The following PCDHA11 variants were observed in gnomAD, a reference collection of about 807,000 sequenced individuals.
PCDHA11 encodes the protein protocadherin alpha-11.
A neutral mutation model predicts 70.3 loss-of-function variants in PCDHA11; 61 were observed. The ratio of observed to expected loss-of-function variants is 0.87; its 90% CI spans 0.71 to 1.07. The LOEUF is 1.07. PCDHA11 is among the 50% of genes least tolerant of loss of function. PCDHA11 has a pLI of 0.00. For synonymous variants in PCDHA11, 633 were observed against 555.1 expected, an observed-to-expected ratio of 1.14 and a Z score of -1.97; for missense variants, 1,324 against 1,237.5, an observed-to-expected ratio of 1.07 and a Z score of -1.05.
At chr5:140,965,496 A>AT (rs71766133) in intron 1 of PCDHA11, among the ~76,000 whole-genome samples, 6,292 of 146,438 alleles carry the variant, frequency 0.043, 368 homozygotes, top group African/African-American at 0.14. Flanking sequence ...ATGACAGCAG[A>AT]TTTTTTTTTT....
rs538135807 is a variant in PCDHA11, at chr5:140,873,663, T to C, written c.2391+2169T>C. On this transcript the variant is annotated intron_variant, in intron 1 of 3. Transcript: ENST00000398640. ...GTGAGAACTACATAACACACTATTA[T>C]TATTTGTTTCTTTTTGAGATAGAGT... Among the ~76,000 whole-genome samples the C allele has an allele frequency of 3.3e-5, 5 of 152,342 alleles. No individual in the cohort carries two copies. In the South Asian group the frequency reaches 1.0e-3, roughly 32 times the overall value.
chr5:140,884,733 T>C lies in PCDHA11; in HGVS notation c.2391+13239T>C, dbSNP rs782206169. On this transcript the variant is annotated intron_variant, in intron 1 of 3. Transcript: ENST00000398640. ...TCCTTGCAGTTGTTTGTTTAAGACA[T>C]CTTTCCTGCCAATTTCAAATTATTC... 1.1e-4 allele frequency: 158 copies of C among 1,448,002 alleles called. No homozygotes were observed. The Middle Eastern group carries it at 1.8e-3, about 17-fold the overall frequency. The allele number at this position is 1,448,002 out of a possible 1,614,324, so 89.7% of individuals were successfully genotyped here. A position where few individuals can be genotyped will look rare whatever the true frequency, so the allele number is the denominator to read the frequency against.
At chr5:140,903,567 G>T (rs1554191019) in intron 1 of PCDHA11, among the ~76,000 whole-genome samples, 1 of 152,170 alleles carries the variant, frequency 6.6e-6, no homozygotes, top group African/African-American at 2.4e-5. Flanking sequence ...GTGGAATTGG[G>T]AGCTGTCTAG....
chr5:140,917,152 G>A (rs1407958115), intron 1 of PCDHA11, among the ~76,000 whole-genome samples: 1 of 152,012 alleles, frequency 6.6e-6, no homozygotes, highest in Admixed American at 6.6e-5. Context: ...GCTGCTGGGG[G>A]ATATGGGAGG....
intron 1 of PCDHA11, among the ~76,000 whole-genome samples, chr5:140,944,593 T>C (rs187929896): frequency 2.6e-5 from 4 of 152,318 alleles, no homozygotes; most frequent in African/African-American, 9.6e-5. Context: ...AGAATTTCCC[T>C]GGGTAGAGTA....
At position 140,871,132 on chromosome 5, in the gene PCDHA11, G is replaced by T; in HGVS notation, c.2029G>T (p.Ala677Ser). 7 of 1,613,372 alleles carry T rather than the reference G, an allele frequency of 4.3e-6. No homozygotes were observed. Among genetic ancestry groups the T allele is most frequent in the Non-Finnish European group, 5.9e-6 (7 of 1,179,914 alleles). ...GGTGGAGAGCGGACAGGCGCCAAAG[G>T]CCTCTTCCCGGACTTTGGCGGGCGC... is the stretch of plus-strand genomic sequence containing the variant. ...SLVESGQAPKASSRTLAGAAS... is the reference protein window; with the variant it reads ...SLVESGQAPKSSSRTLAGAAS... Residue 677 changes from alanine to serine, a missense_variant, in exon 1 of 4, where the codon GCC (alanine) becomes TCC (serine). Physicochemically the swap from Ala to Ser is moderately conservative, Grantham distance 99 (BLOSUM62 1). Coordinates refer to ENST00000398640, the MANE Select transcript of PCDHA11 (RefSeq NM_018902.5).
rs1038789772 is a variant in PCDHA11, at chr5:140,894,031, G to C, written c.2391+22537G>C. On this transcript the variant is annotated intron_variant, in intron 1 of 3. Transcript: ENST00000398640. ...TTCAAATTACCAGTTCTGCATACTG[G>C]TAATGTAAGTCCTCTGTTGAATTGA... Among the ~76,000 whole-genome samples, 3 of 152,204 alleles carry C rather than the reference G, an allele frequency of 2.0e-5. No homozygotes were observed. In the South Asian group the frequency reaches 6.2e-4, roughly 32 times the overall value.
chr5:140,896,762 T>C (rs1408695272), intron 1 of PCDHA11, among the ~76,000 whole-genome samples: 1 of 152,224 alleles, frequency 6.6e-6, no homozygotes, highest in Non-Finnish European at 1.5e-5. Context: ...TAGACCTTTG[T>C]TGGATGCATA....
rs2051623081 is a variant in PCDHA11 at position 140,870,060 on chromosome 5, A to G, written c.957A>G (p.Val319=). The change falls in exon 1 of 4, where the codon GTA becomes GTG. Residue 319 remains valine, a synonymous_variant. Transcript: ENST00000398640. The part of the protein sequence containing the change: ...YEENKFYKIE[V]QATDKGTPPM... Reference sequence around the variant, plus strand: ...AAAACAAGTTTTATAAAATTGAAGTACAGGCTACAGATAAGGGGACTCCCC... The same window carrying G: ...AAAACAAGTTTTATAAAATTGAAGTGCAGGCTACAGATAAGGGGACTCCCC... The G allele has an allele frequency of 6.2e-7, 1 of 1,613,776 alleles. No individual in the cohort carries two copies. Among genetic ancestry groups the G allele is most frequent in the African/African-American group, 1.3e-5 (1 of 74,946 alleles).
intron 1 of PCDHA11, chr5:140,967,118 C>T: frequency 6.2e-7 from 1 of 1,612,940 alleles, no homozygotes; most frequent in Non-Finnish European, 8.5e-7. Context: ...GCCTCGCTGC[C>T]TGCTCAGCTT....
At chr5:140,917,665 T>C (rs1174470921) in intron 1 of PCDHA11, among the ~76,000 whole-genome samples, 4 of 152,220 alleles carry the variant, frequency 2.6e-5, no homozygotes, top group African/African-American at 9.6e-5. Flanking sequence ...AGGAAGTCCT[T>C]TCTCCATTGC....
At chr5:140,991,205 A>C (rs1403144779) in intron 3 of PCDHA11, among the ~76,000 whole-genome samples, 3 of 152,226 alleles carry the variant, frequency 2.0e-5, no homozygotes, top group Admixed American at 2.0e-4. Context: ...TGCTCAATAA[A>C]TTTTGTTAAA....
chr5:140,921,102 T>G (rs1300756897), intron 1 of PCDHA11, among the ~76,000 whole-genome samples: 1 of 152,028 alleles, frequency 6.6e-6, no homozygotes, highest in Non-Finnish European at 1.5e-5. Context: ...TGCCTCAGTC[T>G]CCTAAGTAGC....
At chr5:140,953,124 A>G (rs1554220816) in intron 1 of PCDHA11, among the ~76,000 whole-genome samples, 1 of 152,150 alleles carries the variant, frequency 6.6e-6, no homozygotes, top group African/African-American at 2.4e-5. Flanking sequence ...ACAGATCTAA[A>G]CCGTATCACT....
chr5:140,956,408 C>T (rs1192859348), intron 1 of PCDHA11, among the ~76,000 whole-genome samples: 1 of 152,122 alleles, frequency 6.6e-6, no homozygotes, highest in Non-Finnish European at 1.5e-5. Context: ...TTGAGATAAT[C>T]ATGTGGGTTT....
chr5:140,898,995 T>C (rs1176186680), intron 1 of PCDHA11, among the ~76,000 whole-genome samples: 4 of 151,956 alleles, frequency 2.6e-5, no homozygotes, highest in Non-Finnish European at 5.9e-5. Flanking sequence ...TCTGTTTGTC[T>C]GTTATTGGTG....
intron 1 of PCDHA11, among the ~76,000 whole-genome samples, chr5:140,918,162 A>G (rs1344100803): frequency 1.3e-5 from 2 of 152,122 alleles, no homozygotes; most frequent in Non-Finnish European, 2.9e-5. Context: ...TCTATTGTAA[A>G]TGGCATTGTG....
chr5:140,877,018 A>G, intron 1 of PCDHA11: 1 of 1,612,420 alleles, frequency 6.2e-7, no homozygotes, highest in Non-Finnish European at 8.5e-7. Flanking sequence ...GGAGAGCGGC[A>G]AGGTGTACGC....
intron 3 of PCDHA11, among the ~76,000 whole-genome samples, chr5:140,994,595 C>CT (rs1554254262): frequency 6.6e-6 from 1 of 151,984 alleles, no homozygotes; most frequent in East Asian, 1.9e-4. Context: ...GTCTCAGCTA[C>CT]TTGGGAGGCT....
Sources: allele counts gnomAD v4.1 joint callset (sites outside exome capture counted in the v4.1 genomes callset), GRCh38; gene constraint gnomAD v4.1.1; transcripts MANE v1.5; gene names NCBI Gene and HGNC (gene_info 2026-07-23, HGNC 2026-07-21).